Variants in SULT2B1 observed in about 807,000 individuals in gnomAD.
SULT2B1 encodes sulfotransferase family 2B member 1.
In SULT2B1, 16 loss-of-function variants were observed where a neutral mutation model predicts 33.2. The ratio of observed to expected loss-of-function variants is 0.48; its 90% CI spans 0.33 to 0.73. The LOEUF (loss-of-function observed/expected upper bound fraction) is 0.73, where lower values mean the gene tolerates loss of function less well. SULT2B1 is among the 30% of genes least tolerant of loss of function. The probability of loss-of-function intolerance (pLI) is 0.02; values close to 1 mark genes in which losing one functional copy is unlikely to be tolerated. For missense variants in SULT2B1, 500 were observed against 506.0 expected, an observed-to-expected ratio of 0.99 and a Z score of 0.11; for synonymous variants, 186 against 200.5, an observed-to-expected ratio of 0.93 and a Z score of 0.61.
At chr19:48,570,617 G>A (rs115297526) in intron 1 of SULT2B1, among the ~76,000 whole-genome samples, 1,128 of 152,156 alleles carry the variant, frequency 7.4e-3, no homozygotes, top group African/African-American at 0.026. Flanking sequence ...TGTAGATGAG[G>A]GTCAAGTGTA....
intron 2 of SULT2B1, among the ~76,000 whole-genome samples, chr19:48,585,533 G>A (rs1973549705): frequency 6.6e-6 from 1 of 151,996 alleles, no homozygotes; most frequent in African/African-American, 2.4e-5. Context: ...GCCAGGCGTG[G>A]TGGTGCATGC....
intron 1 of SULT2B1, among the ~76,000 whole-genome samples, chr19:48,558,018 C>A (rs1159832035): frequency 1.3e-5 from 2 of 152,200 alleles, no homozygotes; most frequent in Non-Finnish European, 2.9e-5. Context: ...ACCCAGTAGG[C>A]TGACAAGCCC....
intron 1 of SULT2B1, among the ~76,000 whole-genome samples, chr19:48,559,894 G>A (rs886308215): frequency 1.3e-5 from 2 of 151,742 alleles, no homozygotes; most frequent in Non-Finnish European, 2.9e-5. Context: ...GGCAAGGCAG[G>A]AGGATTGCTT....
chr19:48,597,165 C>T (rs759580912), intron 6 of SULT2B1, among the ~76,000 whole-genome samples: 2 of 152,106 alleles, frequency 1.3e-5, no homozygotes, highest in Non-Finnish European at 2.9e-5. Flanking sequence ...GTACTGCCAA[C>T]GCCAGGTTTA....
intron 2 of SULT2B1, among the ~76,000 whole-genome samples, chr19:48,581,207 ATT>A (rs35186872): frequency 0.2 from 27,820 of 136,146 alleles, 2,878 homozygotes; most frequent in East Asian, 0.44. Flanking sequence ...TGGTTTTTGC[ATT>A]TTTTTTTTTT....
At chr19:48,576,134 G>A (rs923880708) in intron 2 of SULT2B1, 51 bp downstream of exon 2, 6 of 1,479,958 alleles carry the variant, frequency 4.1e-6, no homozygotes, top group Non-Finnish European at 5.6e-6. Context: ...GGGAGGGGGT[G>A]CGGCAGAGGA....
At chr19:48,586,504 T>C (rs1239990080) in intron 2 of SULT2B1, among the ~76,000 whole-genome samples, 2 of 152,140 alleles carry the variant, frequency 1.3e-5, no homozygotes, top group Non-Finnish European at 2.9e-5. Flanking sequence ...GGGCCAGGCC[T>C]GGAAATAGCC....
chr19:48,566,839 C>CAA (rs770788681), intron 1 of SULT2B1, among the ~76,000 whole-genome samples: 5 of 136,454 alleles, frequency 3.7e-5, no homozygotes, highest in African/African-American at 8.1e-5. Flanking sequence ...GAGACTCTGT[C>CAA]AAAAAAAAAA....
chr19:48,560,737 G>A (rs1172533618), intron 1 of SULT2B1, among the ~76,000 whole-genome samples: 1 of 151,942 alleles, frequency 6.6e-6, no homozygotes, highest in Non-Finnish European at 1.5e-5. Context: ...GAGACGTGTG[G>A]ATCCCTTGAG....
At position 48,552,354 on chromosome 19, in the gene SULT2B1, G is replaced by A. The variant is rs1189462251; in HGVS notation, c.71+31G>A. 1.9e-6 allele frequency: 3 copies of A among 1,611,216 alleles called. No individual in the cohort carries two copies. The East Asian group carries it at 6.7e-5, about 36-fold the overall frequency. ...GCCCAGACCTGGGCAGGAGCCAGGA[G>A]ATCCCAGGGAGGAGGTGGCTGTTTG... On this transcript the variant is annotated intron_variant, in intron 1 of 6. Transcript: ENST00000201586. The surrounding 1 kb of genome is among the most constrained non-coding windows in gnomAD (Gnocchi z 4.8).
At chr19:48,570,680 G>A (rs1973310232) in intron 1 of SULT2B1, among the ~76,000 whole-genome samples, 1 of 151,710 alleles carries the variant, frequency 6.6e-6, no homozygotes, top group South Asian at 2.1e-4. Flanking sequence ...ACACCCAGAA[G>A]GGAGAGTGAC....
chr19:48,592,668 G>T, intron 4 of SULT2B1, 54 bp from the exon 5 acceptor site: 2 of 1,480,198 alleles, frequency 1.4e-6, no homozygotes, highest in Non-Finnish European at 9.3e-7. Context: ...GCCCCAGTGG[G>T]GCTGGGGGAA....
At chr19:48,556,779 C>T (rs1973104487) in intron 1 of SULT2B1, among the ~76,000 whole-genome samples, 1 of 151,454 alleles carries the variant, frequency 6.6e-6, no homozygotes, top group African/African-American at 2.4e-5. Context: ...GGTGACACCC[C>T]ATCTGTACTA....
chr19:48,588,345 T>G (rs1253601769), intron 3 of SULT2B1, among the ~76,000 whole-genome samples: 3 of 151,432 alleles, frequency 2.0e-5, no homozygotes, highest in Non-Finnish European at 4.4e-5. Flanking sequence ...AAAACCTGTC[T>G]CTACTAAAAA....
At position 48,599,423 on chromosome 19, in the gene SULT2B1, G is replaced by A. The variant is rs973368667; in HGVS notation, c.*17G>A. ...CCCTCATAATAAACACGTCGATTCT[G>A]TCCAGGTTCCTTGATGCGCTGTGGC... On this transcript the variant is annotated 3_prime_UTR_variant, in exon 7 of 7. Transcript: ENST00000201586. This position sits in a 1 kb window ranked among gnomAD's most constrained non-coding sequence, Gnocchi z 4.1. 1 of 1,548,190 alleles carries A rather than the reference G, an allele frequency of 6.5e-7. No individual in the cohort carries two copies. Among genetic ancestry groups the A allele is most frequent in the African/African-American group, 1.4e-5 (1 of 73,028 alleles).
At chr19:48,564,618 C>T (rs1209248110) in intron 1 of SULT2B1, among the ~76,000 whole-genome samples, 1 of 150,676 alleles carries the variant, frequency 6.6e-6, no homozygotes, top group African/African-American at 2.4e-5. Context: ...GGAAAGATTA[C>T]CCCATGAACA....
chr19:48,596,706 C>A (rs1303067725), intron 5 of SULT2B1, 33 bp from the exon 6 acceptor site: 1 of 1,556,866 alleles, frequency 6.4e-7, no homozygotes, highest in African/African-American at 1.3e-5. Flanking sequence ...GCCGAGTGCC[C>A]TCCCTCCGCT....
rs561296695 is a variant in SULT2B1 at position 48,554,307 on chromosome 19, C to G, written c.71+1984C>G. ...CCCCTCAGATACGCCACGTACCCCC[C>G]CAGATTCGCACCTCCTCCCAGGTTG... On this transcript the variant is annotated intron_variant, in intron 1 of 6. Coordinates refer to ENST00000201586, the MANE Select transcript of SULT2B1 (RefSeq NM_177973.2). Among the ~76,000 whole-genome samples, 110 of 151,156 alleles carry G rather than the reference C, an allele frequency of 7.3e-4. No homozygotes were observed. In the Middle Eastern group the frequency reaches 0.01, roughly 14 times the overall value.
chr19:48,560,090 G>A (rs936479084), intron 1 of SULT2B1, among the ~76,000 whole-genome samples: 1 of 152,096 alleles, frequency 6.6e-6, no homozygotes, highest in African/African-American at 2.4e-5. Context: ...AGGGTTGAGC[G>A]TCTGTGAAAC....
Sources: gnomAD v4.1 joint callset for allele counts (sites outside exome capture counted in the v4.1 genomes callset) on GRCh38, gnomAD v4.1.1 for gene constraint, Gnocchi (gnomAD v3.1) non-coding constraint, MANE v1.5 for transcripts, NCBI Gene and HGNC (gene_info 2026-07-23, HGNC 2026-07-21) for gene names.